Variants in CALCRL observed in about 807,000 individuals in gnomAD.
CALCRL encodes calcitonin receptor like receptor, also known as calcitonin gene-related peptide type 1 receptor.
In CALCRL, 27 loss-of-function variants were observed where a neutral mutation model predicts 60.4. The ratio of observed to expected loss-of-function variants is 0.45; its 90% CI spans 0.33 to 0.62. The LOEUF is 0.62. Among genes scored for constraint, CALCRL ranks in the 20% least tolerant of loss-of-function variants. The pLI, the probability that CALCRL is intolerant of heterozygous loss-of-function variation, is 0.03. For synonymous variants in CALCRL, 190 were observed against 182.6 expected (o/e 1.04, Z -0.33); for missense variants, 424 against 540.7 (o/e 0.78, Z 2.14).
rs1214693807 is a variant in CALCRL at position 187,346,177 on chromosome 2, T to A, written c.*7A>T. 6.5e-7 allele frequency: 1 copy of A among 1,547,132 alleles called. No individual in the cohort carries two copies. ...CACAAAACAGTGAGACAACCATCCT[T>A]CTATTTTCAATTATATAAATTTTCT... On this transcript the variant is annotated 3_prime_UTR_variant, in exon 15 of 15. Transcript: ENST00000392370.
At chr2:187,346,492 G>A (rs1686280162) in intron 14 of CALCRL, 93 bp from the exon 15 acceptor site, 1 of 821,414 alleles carries the variant, frequency 1.2e-6, no homozygotes, top group South Asian at 1.8e-5. Context: ...AGGTCTTGGA[G>A]AAGAGCTTTT....
chr2:187,358,928 G>A (rs1686923892), intron 12 of CALCRL, 135 bp downstream of exon 12: 13 of 756,816 alleles, frequency 1.7e-5, no homozygotes, highest in African/African-American at 1.7e-5. Flanking sequence ...TTCACTAAAC[G>A]CTATTCATTT....
intron 1 of CALCRL, among the ~76,000 whole-genome samples, chr2:187,416,337 C>T (rs1689605541): frequency 6.6e-6 from 1 of 152,056 alleles, no homozygotes; most frequent in African/African-American, 2.4e-5. Flanking sequence ...AATTTTTCAT[C>T]TTGAATGATA....
At chr2:187,438,329 A>G (rs1690737592) in intron 1 of CALCRL, among the ~76,000 whole-genome samples, 1 of 152,206 alleles carries the variant, frequency 6.6e-6, no homozygotes, top group South Asian at 2.1e-4. Flanking sequence ...CCATAACAAT[A>G]CAATGAGGTA....
chr2:187,414,542 C>T (rs573102417), intron 1 of CALCRL, among the ~76,000 whole-genome samples: 2 of 152,070 alleles, frequency 1.3e-5, no homozygotes, highest in Non-Finnish European at 2.9e-5. Context: ...GAAAACATAA[C>T]CTTTCTTTTT....
intron 1 of CALCRL, among the ~76,000 whole-genome samples, chr2:187,444,470 TA>T (rs1433410138): frequency 6.6e-6 from 1 of 151,588 alleles, no homozygotes; most frequent in Non-Finnish European, 1.5e-5. Context: ...CATTAAAAAA[TA>T]AAACTTGCTT....
chr2:187,433,919 G>A (rs971375361), intron 1 of CALCRL, among the ~76,000 whole-genome samples: 4 of 151,932 alleles, frequency 2.6e-5, no homozygotes, highest in East Asian at 1.9e-4. Flanking sequence ...ATGTTTTGAC[G>A]CCTAAGAAAT....
chr2:187,418,742 A>G (rs1037001622), intron 1 of CALCRL, among the ~76,000 whole-genome samples: 2 of 152,100 alleles, frequency 1.3e-5, no homozygotes, highest in African/African-American at 4.8e-5. Flanking sequence ...TCAATATTAC[A>G]TAATATTAAG....
chr2:187,431,710 C>G (rs1288720460), intron 1 of CALCRL, among the ~76,000 whole-genome samples: 1 of 151,366 alleles, frequency 6.6e-6, no homozygotes, highest in Non-Finnish European at 1.5e-5. Context: ...CTCTGGTCTA[C>G]AGGCTGGGGA....
intron 1 of CALCRL, among the ~76,000 whole-genome samples, chr2:187,408,315 G>A (rs1374585231): frequency 3.3e-5 from 5 of 151,794 alleles, no homozygotes; most frequent in Non-Finnish European, 7.4e-5. Flanking sequence ...TTTCAGCTAG[G>A]GTGAGGTTTT....
At chr2:187,411,708 G>C (rs1689366040) in intron 1 of CALCRL, among the ~76,000 whole-genome samples, 2 of 151,878 alleles carry the variant, frequency 1.3e-5, no homozygotes, top group Admixed American at 1.3e-4. Context: ...AGGGAAGTAG[G>C]GGGTGTAGTA....
intron 1 of CALCRL, among the ~76,000 whole-genome samples, chr2:187,442,522 C>A (rs771370627): frequency 2.6e-5 from 4 of 151,638 alleles, no homozygotes; most frequent in Non-Finnish European, 4.4e-5. Context: ...GGCACTCTTT[C>A]TTTGTATTTT....
intron 1 of CALCRL, among the ~76,000 whole-genome samples, chr2:187,399,827 A>T (rs746366288): frequency 6.7e-6 from 1 of 149,850 alleles, no homozygotes; most frequent in Non-Finnish European, 1.5e-5. Context: ...ACATTATGTC[A>T]TGTGAAATAA....
intron 1 of CALCRL, among the ~76,000 whole-genome samples, chr2:187,444,644 T>C (rs1691085508): frequency 6.6e-6 from 1 of 151,552 alleles, no homozygotes; most frequent in Non-Finnish European, 1.5e-5. Context: ...TACCTGATAA[T>C]AATTCTAGTA....
chr2:187,412,179 G>A (rs75429771), intron 1 of CALCRL, among the ~76,000 whole-genome samples: 3,251 of 152,082 alleles, frequency 0.021, 143 homozygotes, highest in East Asian at 0.16. Flanking sequence ...TTCAGTCTGC[G>A]TGAGATACTG....
chr2:187,350,777 C>G (rs1271141956), intron 14 of CALCRL, among the ~76,000 whole-genome samples: 1 of 151,556 alleles, frequency 6.6e-6, no homozygotes, highest in Non-Finnish European at 1.5e-5. Context: ...ATAGGTTATA[C>G]CAACTGGTCC....
intron 1 of CALCRL, among the ~76,000 whole-genome samples, chr2:187,405,738 G>T (rs918837578): frequency 2.6e-5 from 4 of 152,028 alleles, no homozygotes; most frequent in African/African-American, 7.2e-5. Context: ...ATTTGTGCAA[G>T]GAGATAAAAT....
intron 14 of CALCRL, among the ~76,000 whole-genome samples, chr2:187,348,684 T>TA (rs1452552418): frequency 1.3e-5 from 2 of 151,716 alleles, no homozygotes; most frequent in African/African-American, 4.8e-5. Context: ...TGTGAGGTCT[T>TA]ACTATAGTTA....
chr2:187,371,872 T>C (rs1687540373), intron 8 of CALCRL, among the ~76,000 whole-genome samples: 1 of 151,960 alleles, frequency 6.6e-6, no homozygotes, highest in Non-Finnish European at 1.5e-5. Flanking sequence ...ATTGGTTAAA[T>C]ATATTCAGAT....
Sources: allele counts gnomAD v4.1 joint callset (sites outside exome capture counted in the v4.1 genomes callset), GRCh38; gene constraint gnomAD v4.1.1; transcripts MANE v1.5; gene names NCBI Gene and HGNC (gene_info 2026-07-23, HGNC 2026-07-21).